CTNNA3: variants seen among roughly 807,000 people sequenced by gnomAD.
CTNNA3 encodes the protein catenin alpha 3, also known as catenin alpha-3.
In CTNNA3, 76 loss-of-function variants were observed where a neutral mutation model predicts 95.7. The ratio of observed to expected loss-of-function variants is 0.79; its 90% CI spans 0.66 to 0.96. The LOEUF (loss-of-function observed/expected upper bound fraction) is 0.96, where lower values mean the gene tolerates loss of function less well. Ranked by LOEUF, CTNNA3 falls within the 40% of genes least tolerant of loss-of-function variation. The pLI, the probability that CTNNA3 is intolerant of heterozygous loss-of-function variation, is 0.00. For synonymous variants in CTNNA3, 431 were observed against 374.4 expected, an observed-to-expected ratio of 1.15 and a Z score of -1.74; for missense variants, 1,191 against 1,089.8, an observed-to-expected ratio of 1.09 and a Z score of -1.31.
chr10:65,951,161 A>AC (rs1235134476), intron 17 of CTNNA3, among the ~76,000 whole-genome samples: 1 of 152,164 alleles, frequency 6.6e-6, no homozygotes, highest in Non-Finnish European at 1.5e-5. Flanking sequence ...TTGGAGAAGC[A>AC]CCCTCTTAAA....
chr10:66,329,130 T>A (rs1396429246), intron 12 of CTNNA3, among the ~76,000 whole-genome samples: 1 of 151,206 alleles, frequency 6.6e-6, no homozygotes, highest in Non-Finnish European at 1.5e-5. Flanking sequence ...TTTGTATTAT[T>A]AGTAGAGATG....
In CTNNA3 at chr10:66,766,267, T is replaced by C. The variant is rs143981286; in HGVS notation, c.1278A>G (p.Val426=). The part of the protein sequence containing the change: ...AIFHEHTSRL[V]EVANLACSMS... ...GTTACAGTTCTAGCATGCTTACCTC[T>C]ACAAGCCTGCTGGTGTGTTCATGAA... Residue 426 remains valine, a synonymous_variant, in exon 9 of 18, where the codon GTA becomes GTG. Transcript: ENST00000433211. 11 of 1,613,640 alleles carry C rather than the reference T, an allele frequency of 6.8e-6. No homozygotes were observed. Among genetic ancestry groups the C allele is most frequent in the African/African-American group, 5.3e-5 (4 of 75,026 alleles).
chr10:66,634,893 T>C (rs773094377), intron 9 of CTNNA3, among the ~76,000 whole-genome samples: 1 of 152,062 alleles, frequency 6.6e-6, no homozygotes, highest in Non-Finnish European at 1.5e-5. Flanking sequence ...CTCAAACATA[T>C]TTGGCTGTTA....
At chr10:66,406,489 G>A (rs1382230477) in intron 11 of CTNNA3, among the ~76,000 whole-genome samples, 1 of 152,126 alleles carries the variant, frequency 6.6e-6, no homozygotes, top group Non-Finnish European at 1.5e-5. Context: ...CCATACCAAT[G>A]CCTGAGTCTT....
At chr10:66,302,079 C>CA (rs1266295675) in intron 12 of CTNNA3, among the ~76,000 whole-genome samples, 1 of 151,646 alleles carries the variant, frequency 6.6e-6, no homozygotes, top group Non-Finnish European at 1.5e-5. Context: ...ACATGAGCAC[C>CA]AAAAAAGAGA....
At position 66,084,154 on chromosome 10, in the gene CTNNA3, A is replaced by AAAAAG. The variant is rs1564627073; in HGVS notation, c.1978-14666_1978-14665insCTTTT. Among the ~76,000 whole-genome samples the AAAAAG allele has an allele frequency of 7.1e-5, 10 of 141,336 alleles. 1 individual carries two copies. Among genetic ancestry groups the AAAAAG allele is most frequent in the African/African-American group, 1.5e-4 (6 of 39,526 alleles). 92.7% of individuals were successfully genotyped at this position (141,336 alleles called of 152,430 possible). On this transcript the variant is annotated intron_variant, in intron 14 of 17. Transcript: ENST00000433211. ...TCATCTCAAAAAAAAAAAAGAAAAAAAAAGAAAAAGAAAAAAAGAAAAGGA... is the reference window on the plus strand; with the variant it reads ...TCATCTCAAAAAAAAAAAAGAAAAAAAAAAGAAAGAAAAAGAAAAAAAGAAAAGGA...
intron 17 of CTNNA3, among the ~76,000 whole-genome samples, chr10:65,965,948 A>T (rs2077956470): frequency 6.6e-6 from 1 of 152,176 alleles, no homozygotes; most frequent in Admixed American, 6.5e-5. Flanking sequence ...TGATAACTGA[A>T]TCCAATATAG....
rs146954856 is a variant in CTNNA3, at chr10:67,537,658, T to C, written c.459+1845A>G. 1.1e-4 allele frequency among the ~76,000 whole-genome samples: 16 copies of C among 152,282 alleles called. No homozygotes were observed. The East Asian group carries it at 2.7e-3, about 26-fold the overall frequency. ...GTTATGAAGGTGGCAATTTTCACCT[T>C]ACAAAAGCCCTGCATTCTGCCCTAT... On this transcript the variant is annotated intron_variant, in intron 4 of 17. Coordinates refer to ENST00000433211, the MANE Select transcript of CTNNA3 (RefSeq NM_013266.4).
chr10:66,830,968 A>G (rs12263554), intron 7 of CTNNA3, among the ~76,000 whole-genome samples: 12 of 152,252 alleles, frequency 7.9e-5, no homozygotes, highest in African/African-American at 2.9e-4. Flanking sequence ...AAGGGAAAAA[A>G]AAGAATTTTT....
intron 9 of CTNNA3, among the ~76,000 whole-genome samples, chr10:66,732,099 C>T (rs1564645892): frequency 6.6e-6 from 1 of 152,330 alleles, no homozygotes; most frequent in Non-Finnish European, 1.5e-5. Flanking sequence ...AAATAATTGA[C>T]TCAATTTGCC....
intron 1 of CTNNA3, among the ~76,000 whole-genome samples, chr10:67,763,049 G>C (rs1841470899): frequency 6.6e-6 from 1 of 152,002 alleles, no homozygotes; most frequent in African/African-American, 2.4e-5. Context: ...TCTTTAACTG[G>C]GTGTCTAAGG....
At chr10:67,165,097 G>A (rs1045870522) in intron 7 of CTNNA3, among the ~76,000 whole-genome samples, 1 of 151,970 alleles carries the variant, frequency 6.6e-6, no homozygotes, top group African/African-American at 2.4e-5. Context: ...GCCCCAAACT[G>A]GAAAAAACAG....
chr10:67,397,295 T>C (rs1182467178), intron 5 of CTNNA3, among the ~76,000 whole-genome samples: 1 of 152,084 alleles, frequency 6.6e-6, no homozygotes, highest in Non-Finnish European at 1.5e-5. Context: ...ATGCTGATAG[T>C]GATATGGACA....
At chr10:66,994,479 A>G (rs1851218928) in intron 7 of CTNNA3, among the ~76,000 whole-genome samples, 1 of 152,332 alleles carries the variant, frequency 6.6e-6, no homozygotes, top group East Asian at 1.9e-4. Flanking sequence ...AATATCTGCA[A>G]TTCCTAGTTT....
At chr10:66,157,263 G>A (rs2084561023) in intron 13 of CTNNA3, among the ~76,000 whole-genome samples, 1 of 151,898 alleles carries the variant, frequency 6.6e-6, no homozygotes, top group South Asian at 2.1e-4. Flanking sequence ...TCATAGCTTA[G>A]TTCTCATATA....
At chr10:66,481,632 C>T (rs1007535969) in intron 11 of CTNNA3, among the ~76,000 whole-genome samples, 5 of 147,420 alleles carry the variant, frequency 3.4e-5, no homozygotes, top group African/African-American at 5.3e-5. Flanking sequence ...CCACCACGCC[C>T]GGCTAATTTT....
intron 10 of CTNNA3, among the ~76,000 whole-genome samples, chr10:66,538,884 GT>G (rs1468549746): frequency 6.6e-6 from 1 of 152,056 alleles, no homozygotes; most frequent in Non-Finnish European, 1.5e-5. Context: ...TCATAATGGT[GT>G]TTTTAAAAAA....
intron 15 of CTNNA3, among the ~76,000 whole-genome samples, chr10:66,033,882 T>A (rs2079502584): frequency 6.6e-6 from 1 of 152,214 alleles, no homozygotes; most frequent in South Asian, 2.1e-4. Context: ...CTGCAATATG[T>A]TGGCAAAGCC....
At chr10:67,143,210 G>A (rs1482424108) in intron 7 of CTNNA3, among the ~76,000 whole-genome samples, 1 of 151,998 alleles carries the variant, frequency 6.6e-6, no homozygotes, top group Non-Finnish European at 1.5e-5. Flanking sequence ...AAAGGCCAAG[G>A]CAGGTGGATC....
Sources: allele counts gnomAD v4.1 joint callset (sites outside exome capture counted in the v4.1 genomes callset), GRCh38; gene constraint gnomAD v4.1.1; transcripts MANE v1.5; gene names NCBI Gene and HGNC (gene_info 2026-07-23, HGNC 2026-07-21).